The following RIPOR3 variants were observed in gnomAD, a reference collection of about 807,000 sequenced individuals.
RIPOR3 encodes the protein family with sequence similarity 65 member C.
A neutral mutation model predicts 114.3 loss-of-function variants in RIPOR3; 95 were observed. The ratio of observed to expected loss-of-function variants is 0.83; its 90% CI spans 0.70 to 0.99. The LOEUF (loss-of-function observed/expected upper bound fraction) is 0.99. Among genes scored for constraint, RIPOR3 ranks in the 50% least tolerant of loss-of-function variants. RIPOR3 has a pLI of 0.00. For missense variants in RIPOR3, 1,252 were observed against 1,266.9 expected, an observed-to-expected ratio of 0.99 and a Z score of 0.18; for synonymous variants, 575 against 543.8, an observed-to-expected ratio of 1.06 and a Z score of -0.80.
rs80039159 is a variant in RIPOR3 at position 50,609,072 on chromosome 20, G to A, written c.641-117C>T. 4,508 of 1,401,320 alleles carry A rather than the reference G, an allele frequency of 3.2e-3. 115 individuals are homozygous for A. The African/African-American group carries it at 0.057, about 18-fold the overall frequency. The allele number at this position is 1,401,320 out of a possible 1,614,324, so 86.8% of individuals were successfully genotyped here. On this transcript the variant is annotated intron_variant, in intron 8 of 21. Transcript: ENST00000327979. ...TTTTCAGTTTCAGTGGGGTGAGGAT[G>A]GGGGGGAGGTACACCATCATGATGG...
intron 11 of RIPOR3, among the ~76,000 whole-genome samples, chr20:50,606,531 G>A (rs923136000): frequency 3.9e-5 from 6 of 152,190 alleles, no homozygotes; most frequent in African/African-American, 1.4e-4. Context: ...ATGGGCCGCT[G>A]GCGAAACAGG....
chr20:50,686,786 GT>G (rs1210242195), intron 1 of RIPOR3, among the ~76,000 whole-genome samples: 2 of 151,878 alleles, frequency 1.3e-5, no homozygotes, highest in African/African-American at 4.8e-5. Flanking sequence ...AAAAGTGCAC[GT>G]TTTTTAGTTC....
At chr20:50,593,228 C>A (rs879823796) in intron 17 of RIPOR3, 32 bp from the exon 18 acceptor site, 5 of 1,600,042 alleles carry the variant, frequency 3.1e-6, no homozygotes, top group Non-Finnish European at 4.3e-6. Context: ...TCAGGAGAAA[C>A]TGAGACCTCG....
intron 11 of RIPOR3, among the ~76,000 whole-genome samples, chr20:50,606,333 T>C (rs1212504708): frequency 1.3e-5 from 2 of 152,192 alleles, no homozygotes; most frequent in Non-Finnish European, 2.9e-5. Flanking sequence ...CAATTCATGC[T>C]AAATCAAGGA....
chr20:50,592,546 A>AC lies in RIPOR3; in HGVS notation c.2375-1dup (p.Val792GlyfsTer99), dbSNP rs1460380872. On this transcript the variant is annotated frameshift_variant and splice_region_variant. Coordinates refer to ENST00000327979, the MANE Select transcript of RIPOR3 (RefSeq NM_001290268.2). LOFTEE classifies it high-confidence loss of function. ...ACAGTGAAGCTCCTCGATGAGTGTC[A>AC]CTAGAAGACAGGAAAGAGGTGGGCC... 2 of 1,528,434 alleles carry AC rather than the reference A, an allele frequency of 1.3e-6. No homozygotes were observed. The highest frequency in any genetic ancestry group is 4.8e-5 in the East Asian group (2 of 42,024). 94.7% of individuals were successfully genotyped at this position (1,528,434 alleles called of 1,614,324 possible).
At chr20:50,627,458 C>T (rs565134370) in intron 2 of RIPOR3, among the ~76,000 whole-genome samples, 8 of 149,222 alleles carry the variant, frequency 5.4e-5, no homozygotes, top group Admixed American at 2.0e-4. Context: ...TGCAGTGAGC[C>T]GAGAATATGC....
chr20:50,666,223 T>TTTTTTTC (rs2086229109), intron 1 of RIPOR3, among the ~76,000 whole-genome samples: 1 of 105,010 alleles, frequency 9.5e-6, no homozygotes, highest in Admixed American at 9.6e-5. Context: ...TTTTCTTTTC[T>TTTTTTTC]TTTTTGAGAC....
intron 1 of RIPOR3, among the ~76,000 whole-genome samples, chr20:50,676,273 C>T (rs910505104): frequency 6.6e-6 from 1 of 152,166 alleles, no homozygotes; most frequent in African/African-American, 2.4e-5. Context: ...GGAAGTTGGT[C>T]TGCCTCCTGC....
intron 1 of RIPOR3, among the ~76,000 whole-genome samples, chr20:50,637,873 T>TTA (rs1568905585): frequency 2.0e-5 from 3 of 152,020 alleles, no homozygotes; most frequent in African/African-American, 7.2e-5. Flanking sequence ...AGACTTCGTC[T>TTA]CAAAAAAAAA....
chr20:50,618,798 G>T (rs1431418220), intron 3 of RIPOR3, among the ~76,000 whole-genome samples: 3 of 152,224 alleles, frequency 2.0e-5, no homozygotes, highest in African/African-American at 7.2e-5. Flanking sequence ...TTTGTGGGCT[G>T]GGCACAGTGG....
At chr20:50,637,412 G>C (rs1376015656) in intron 1 of RIPOR3, among the ~76,000 whole-genome samples, 1 of 152,064 alleles carries the variant, frequency 6.6e-6, no homozygotes, top group Non-Finnish European at 1.5e-5. Context: ...CCTCCTCAGA[G>C]AGGTCCTCCC....
rs1324378611 is a variant in RIPOR3, at chr20:50,670,265, C to T, written c.3+20861G>A. On this transcript the variant is annotated intron_variant, in intron 1 of 21. Coordinates refer to ENST00000327979, the MANE Select transcript of RIPOR3 (RefSeq NM_001290268.2). ...CATGAGTTTTACCTACTGCCGGTTT[C>T]GGCCAAAATGCCAGAAAGCCAAGCA... 3.9e-5 allele frequency among the ~76,000 whole-genome samples: 6 copies of T among 152,048 alleles called. No individual in the cohort carries two copies. In the South Asian group the frequency reaches 6.2e-4, roughly 16 times the overall value.
At chr20:50,633,367 C>G (rs979045180) in intron 1 of RIPOR3, among the ~76,000 whole-genome samples, 1 of 152,334 alleles carries the variant, frequency 6.6e-6, no homozygotes, top group Non-Finnish European at 1.5e-5. Context: ...CCACAGTAAA[C>G]GTATTTACAC....
At chr20:50,656,931 C>T (rs537640428) in intron 1 of RIPOR3, among the ~76,000 whole-genome samples, 44 of 152,304 alleles carry the variant, frequency 2.9e-4, no homozygotes, top group Admixed American at 1.4e-3. Context: ...TGATAAACAC[C>T]TCCAGACTCA....
intron 4 of RIPOR3, among the ~76,000 whole-genome samples, chr20:50,612,337 A>G (rs1032308128): frequency 6.6e-6 from 1 of 152,102 alleles, no homozygotes; most frequent in African/African-American, 2.4e-5. Context: ...CACAGACAAT[A>G]TGTACATGAA....
intron 19 of RIPOR3, 74 bp from the exon 20 acceptor site, chr20:50,589,843 C>T (rs2083054506): frequency 2.1e-6 from 3 of 1,395,860 alleles, no homozygotes; most frequent in African/African-American, 1.4e-5. Context: ...CCATCAGCCA[C>T]CAGGTGCCGA....
intron 1 of RIPOR3, among the ~76,000 whole-genome samples, chr20:50,672,903 G>A (rs888956716): frequency 4.6e-5 from 7 of 152,222 alleles, no homozygotes; most frequent in Non-Finnish European, 8.8e-5. Flanking sequence ...GTCCACAGGT[G>A]CGGGGACTGC....
chr20:50,652,615 AAAAG>A (rs1290804320), intron 1 of RIPOR3, among the ~76,000 whole-genome samples: 10 of 137,956 alleles, frequency 7.2e-5, no homozygotes, highest in East Asian at 2.1e-4. Flanking sequence ...AAAAAAAAAG[AAAAG>A]AAAAGAAAAG....
At chr20:50,671,051 C>T (rs1214577068) in intron 1 of RIPOR3, among the ~76,000 whole-genome samples, 1 of 152,210 alleles carries the variant, frequency 6.6e-6, no homozygotes, top group Non-Finnish European at 1.5e-5. Context: ...CCTCAGCCTC[C>T]CAAGTAGCTG....
Sources: allele counts gnomAD v4.1 joint callset (sites outside exome capture counted in the v4.1 genomes callset), GRCh38; gene constraint gnomAD v4.1.1; transcripts MANE v1.5; gene names NCBI Gene and HGNC (gene_info 2026-07-23, HGNC 2026-07-21).